RANGAP1: variants seen among roughly 807,000 people sequenced by gnomAD.
The protein encoded by RANGAP1 is ran GTPase-activating protein 1.
A neutral mutation model predicts 63.5 loss-of-function variants in RANGAP1; 38 were observed. The ratio of observed to expected loss-of-function variants is 0.60; its 90% CI spans 0.46 to 0.78. The LOEUF is 0.78. RANGAP1 is among the 30% of genes least tolerant of loss of function. The probability of loss-of-function intolerance (pLI) is 0.00; values close to 1 mark genes in which losing one functional copy is unlikely to be tolerated. For synonymous variants in RANGAP1, 329 were observed against 310.5 expected, an observed-to-expected ratio of 1.06 and a Z score of -0.63; for missense variants, 630 against 740.3, an observed-to-expected ratio of 0.85 and a Z score of 1.73.
At chr22:41,267,679 G>C (rs570226402) in intron 4 of RANGAP1, among the ~76,000 whole-genome samples, 4 of 152,314 alleles carry the variant, frequency 2.6e-5, no homozygotes, top group East Asian at 3.9e-4. Flanking sequence ...CGGAGAAAGG[G>C]AGGAGCCAGA....
In RANGAP1 at chr22:41,277,430, A is replaced by G. The variant is rs777675097; in HGVS notation, c.113-2703T>C. 5 of 1,178,870 alleles carry G rather than the reference A, an allele frequency of 4.2e-6. No individual in the cohort carries two copies. In the South Asian group the frequency reaches 5.2e-5, roughly 12 times the overall value. The allele number at this position is 1,178,870 out of a possible 1,614,324, so 73.0% of individuals were successfully genotyped here. A position where few individuals can be genotyped will look rare whatever the true frequency, so the allele number is the denominator to read the frequency against. On this transcript the variant is annotated intron_variant, in intron 2 of 15. Transcript: ENST00000356244. ...TCTTTGAATGTTTCTGTATTCTATA[A>G]TAAACCTGCATTAATTGTATAATCT... is the stretch of plus-strand genomic sequence containing the variant.
At chr22:41,261,187 C>T (rs1177297188) in intron 6 of RANGAP1, among the ~76,000 whole-genome samples, 4 of 152,240 alleles carry the variant, frequency 2.6e-5, no homozygotes, top group African/African-American at 9.6e-5. Flanking sequence ...GAGTGGCCTG[C>T]CTGGCCTGAA....
rs1347463664 is a variant in RANGAP1 at position 41,280,603 on chromosome 22, G to A, written c.112+330C>T. 5 of 1,187,038 alleles carry A rather than the reference G, an allele frequency of 4.2e-6. 1 individual carries two copies. The highest frequency in any genetic ancestry group is 3.8e-5 in the South Asian group (3 of 78,570). 73.5% of individuals were successfully genotyped at this position (1,187,038 alleles called of 1,614,324 possible). ...GATCATGGGGGTTAAGGGCAAGGGT[G>A]GGGACAACACCGGATATTAAGTCAG... On this transcript the variant is annotated intron_variant, in intron 2 of 15. Transcript: ENST00000356244.
chr22:41,273,467 A>C (rs111362653), intron 3 of RANGAP1, among the ~76,000 whole-genome samples: 258 of 152,142 alleles, frequency 1.7e-3, no homozygotes, highest in African/African-American at 6.1e-3. Flanking sequence ...CTTGGATCTA[A>C]CCTTCAGGAG....
chr22:41,254,186 C>A (rs7364221), intron 11 of RANGAP1, 122 bp downstream of exon 11: 304,084 of 988,962 alleles, frequency 0.31, 49,557 homozygotes, highest in Admixed American at 0.56. Context: ...ATCATGCAAT[C>A]AAAAAAAAAT....
chr22:41,299,323 G>A, the RANGAP1 span, among the ~76,000 whole-genome samples: 3 of 152,024 alleles, frequency 2.0e-5, no homozygotes, highest in South Asian at 6.2e-4. Context: ...TAGTAGAGAT[G>A]GGGTTTCACC....
intron 1 of RANGAP1, chr22:41,281,462 T>C: frequency 1.0e-6 from 1 of 997,786 alleles, no homozygotes; most frequent in African/African-American, 1.7e-5. Flanking sequence ...CACACCTGCT[T>C]GAGCATCTTG....
chr22:41,276,844 A>G lies in RANGAP1; in HGVS notation c.113-2117T>C, dbSNP rs532121485. ...CTAAAAATACAAAAATTAGTTGGGC[A>G]TGGTAGCGCATGCCTGTAATCCCAG... On this transcript the variant is annotated intron_variant, in intron 2 of 15. Transcript: ENST00000356244. Among the ~76,000 whole-genome samples the G allele has an allele frequency of 5.3e-5, 8 of 151,116 alleles. No homozygotes were observed. The South Asian group carries it at 1.3e-3, about 24-fold the overall frequency.
intron 12 of RANGAP1, among the ~76,000 whole-genome samples, chr22:41,251,769 G>A (rs897463112): frequency 2.0e-5 from 3 of 152,080 alleles, no homozygotes; most frequent in African/African-American, 7.2e-5. Context: ...TGGAAAAAAC[G>A]TCAGAAACAG....
intron 1 of RANGAP1, chr22:41,285,636 C>T (rs2035714722): frequency 2.0e-6 from 2 of 985,438 alleles, no homozygotes; most frequent in South Asian, 4.7e-5. Flanking sequence ...CGAATACAGG[C>T]CGCAAATGAT....
chr22:41,252,995 G>A lies in RANGAP1; in HGVS notation c.1261-4C>T. On this transcript the variant is annotated splice_region_variant and splice_polypyrimidine_tract_variant and intron_variant, in intron 11 of 15. Transcript: ENST00000356244. The stretch of plus-strand genomic sequence containing the variant: ...AGGACAGCACGGGAGCTGGCTCCTG[G>A]GAAGTAGGGGCACAGAGGCTCTGGA... 1 of 1,473,546 alleles carries A rather than the reference G, an allele frequency of 6.8e-7. No homozygotes were observed. The highest frequency in any genetic ancestry group is 1.4e-5 in the South Asian group (1 of 72,120). 91.3% of individuals were successfully genotyped at this position (1,473,546 alleles called of 1,614,324 possible).
rs2145653884 is a variant in RANGAP1 at position 41,246,088 on chromosome 22, T to C, written c.*515A>G. 6.0e-6 allele frequency: 1 copy of C among 168,012 alleles called. No homozygotes were observed. Among genetic ancestry groups the C allele is most frequent in the East Asian group, 1.7e-4 (1 of 5,798 alleles). The allele number at this position is 168,012 out of a possible 1,614,324, so 10.4% of individuals were successfully genotyped here. A position where few individuals can be genotyped will look rare whatever the true frequency, so the allele number is the denominator to read the frequency against. ...AGGCTGAGCGGTCAGCACAGTGGTA[T>C]GGATGGTAGGGGTGACAGCTGCCGC... is the stretch of plus-strand genomic sequence containing the variant. On this transcript the variant is annotated 3_prime_UTR_variant, in exon 16 of 16. Transcript: ENST00000356244.
Position 41,286,060 on chromosome 22 carries a change from G to C in RANGAP1, c.-113C>G, listed in dbSNP as rs1049886723. On this transcript the variant is annotated 5_prime_UTR_variant, in exon 1 of 16. Transcript: ENST00000356244. ...CCCTCTGGGGCGGGGACGGATTTAGGGTCCGGGTCAGGCCGGGGTCGCCAC... is the reference window on the plus strand; with the variant it reads ...CCCTCTGGGGCGGGGACGGATTTAGCGTCCGGGTCAGGCCGGGGTCGCCAC... 1 of 152,350 alleles carries C rather than the reference G, an allele frequency of 6.6e-6. No homozygotes were observed. Among genetic ancestry groups the C allele is most frequent in the African/African-American group, 2.4e-5 (1 of 41,464 alleles). The allele number at this position is 152,350 out of a possible 1,614,324, so 9.4% of individuals were successfully genotyped here.
At chr22:41,292,930 T>C in the RANGAP1 span, among the ~76,000 whole-genome samples, 1 of 135,230 alleles carries the variant, frequency 7.4e-6, no homozygotes, top group South Asian at 2.1e-4. Flanking sequence ...ACAGCAAAAC[T>C]CTGTCTCTAC....
chr22:41,274,421 C>T (rs1374250176), intron 3 of RANGAP1, among the ~76,000 whole-genome samples, 179 bp downstream of exon 3: 2 of 152,192 alleles, frequency 1.3e-5, no homozygotes, highest in African/African-American at 4.8e-5. Flanking sequence ...CTGCTGACTA[C>T]AGGGAGAGGG....
At chr22:41,275,556 G>A (rs1043524452) in intron 2 of RANGAP1, among the ~76,000 whole-genome samples, 5 of 151,860 alleles carry the variant, frequency 3.3e-5, no homozygotes, top group African/African-American at 7.3e-5. Context: ...CAAGGCAGGC[G>A]GATCACAAGG....
Position 41,254,392 on chromosome 22 carries a change from C to T in RANGAP1, c.1176G>A (p.Glu392=). 1.2e-6 allele frequency: 2 copies of T among 1,613,950 alleles called. No individual in the cohort carries two copies. The highest frequency in any genetic ancestry group is 1.1e-5 in the South Asian group (1 of 91,072). ...GCTGCTGAGGCTCTTCTTCCTCCTC[C>T]TCCTCCTCTTCTTCCTCCTCTTCCT... ...EDEEEEEEEE[E]EEEEEPQQRG... is the part of the protein sequence containing the mutation. Residue 392 remains glutamate (E), a synonymous_variant, in exon 11 of 16, where the codon GAG becomes GAA. Coordinates refer to ENST00000356244, the MANE Select transcript of RANGAP1 (RefSeq NM_002883.4).
chr22:41,268,241 CCAGAG>C, intron 3 of RANGAP1, 85 bp from the exon 4 acceptor site: 1 of 1,135,564 alleles, frequency 8.8e-7, no homozygotes. Flanking sequence ...ATTTGAACTA[CCAGAG>C]CATCACAAGA....
At chr22:41,247,737 C>A (rs532506852) in intron 15 of RANGAP1, among the ~76,000 whole-genome samples, 1 of 152,226 alleles carries the variant, frequency 6.6e-6, no homozygotes, top group South Asian at 2.1e-4. Context: ...AAGTGCGGGA[C>A]GCAGCCAGGA....
Sources: allele counts gnomAD v4.1 joint callset (sites outside exome capture counted in the v4.1 genomes callset), GRCh38; gene constraint gnomAD v4.1.1; transcripts MANE v1.5; gene names NCBI Gene and HGNC (gene_info 2026-07-23, HGNC 2026-07-21).